Variants in POLR1E observed in about 807,000 individuals in gnomAD.
POLR1E encodes the protein RNA polymerase I subunit E, also known as DNA-directed RNA polymerase I subunit RPA49.
POLR1E carries 37 observed loss-of-function variants against 50.9 expected under a neutral mutation model. The observed-to-expected ratio is 0.73, with a 90% CI of 0.56 to 0.96. The LOEUF is 0.96. POLR1E is among the 40% of genes least tolerant of loss of function. The probability of loss-of-function intolerance (pLI) is 0.00; values close to 1 mark genes in which losing one functional copy is unlikely to be tolerated. For missense variants in POLR1E, 426 were observed against 518.1 expected (o/e 0.82, Z 1.73); for synonymous variants, 166 against 191.6 (o/e 0.87, Z 1.10).
intron 7 of POLR1E, among the ~76,000 whole-genome samples, chr9:37,495,582 A>G (rs552248179): frequency 3.5e-4 from 54 of 152,356 alleles, no homozygotes; most frequent in African/African-American, 1.2e-3. Context: ...CCCAAAGTCT[A>G]GGGCAGACCA....
chr9:37,495,300 C>T, intron 7 of POLR1E, 24 bp downstream of exon 7: 1 of 1,574,786 alleles, frequency 6.4e-7, no homozygotes, highest in Non-Finnish European at 8.7e-7. Context: ...AGTAGAAAAG[C>T]TGCCTTATTT....
chr9:37,492,172 A>C, intron 4 of POLR1E: 125 of 979,930 alleles, frequency 1.3e-4, no homozygotes, highest in Non-Finnish European at 1.5e-4. Context: ...AGGCCACTCC[A>C]GAGCTTGTAC....
In POLR1E at chr9:37,503,081, C is replaced by G. The variant is rs1564326984; in HGVS notation, c.1139C>G (p.Ser380Cys). ...GCCAAAGCCATGAGGCTGAAGATCT[C>G]CAAAAGAAGGGTGTCTGTGGCCGCC... is the stretch of plus-strand genomic sequence containing the variant. ...EIAKAMRLKI[S>C]KRRVSVAAGS... Residue 380 changes from serine to cysteine, a missense_variant, in exon 12 of 12, where the codon TCC becomes TGC. By Grantham distance (112) the Ser-to-Cys change is moderately radical. Transcript: ENST00000377798. 1.9e-6 allele frequency: 3 copies of G among 1,613,864 alleles called. No homozygotes were observed. Among genetic ancestry groups the G allele is most frequent in the Non-Finnish European group, 2.5e-6 (3 of 1,179,930 alleles).
chr9:37,495,052 A>C, intron 6 of POLR1E, 117 bp from the exon 7 acceptor site: 1 of 832,474 alleles, frequency 1.2e-6, no homozygotes, highest in South Asian at 1.5e-5. Context: ...ACTTTGGCAG[A>C]AGCATTTAGA....
At chr9:37,496,276 C>T (rs1316445906) in intron 8 of POLR1E, among the ~76,000 whole-genome samples, 2 of 152,132 alleles carry the variant, frequency 1.3e-5, no homozygotes, top group African/African-American at 4.8e-5. Context: ...CAGTGTCATG[C>T]TGGTGCTGAT....
intron 8 of POLR1E, among the ~76,000 whole-genome samples, chr9:37,496,828 A>G (rs1008046117): frequency 2.6e-5 from 4 of 152,144 alleles, no homozygotes; most frequent in African/African-American, 9.7e-5. Flanking sequence ...TGAGGCATCT[A>G]TGAGATGATC....
intron 1 of POLR1E, 33 bp from the exon 2 acceptor site, chr9:37,486,670 C>T (rs575175791): frequency 9.3e-6 from 15 of 1,614,124 alleles, no homozygotes; most frequent in Non-Finnish European, 1.2e-5. Flanking sequence ...TGGCCTTCTG[C>T]TCTCATCTCA....
At position 37,495,957 on chromosome 9, in the gene POLR1E, A is replaced by G; in HGVS notation, c.723A>G (p.Glu241=). The G allele has an allele frequency of 6.2e-7, 1 of 1,614,034 alleles. No individual in the cohort carries two copies. Among genetic ancestry groups the G allele is most frequent in the Non-Finnish European group, 8.5e-7 (1 of 1,179,856 alleles). ...PSEAFRNVTS[E]EILKMIEENS... is the part of the protein sequence containing the mutation. The stretch of plus-strand genomic sequence containing the variant: ...AAGCTTTCAGGAACGTCACGTCAGA[A>G]GAAATACTGAAGATGATTGAGGAGA... Residue 241 remains glutamate (E), a synonymous_variant, in exon 8 of 12, where the codon GAA becomes GAG. Transcript: ENST00000377798.
chr9:37,487,730 C>G, intron 2 of POLR1E, 133 bp from the exon 3 acceptor site: 1 of 832,536 alleles, frequency 1.2e-6, no homozygotes, highest in Admixed American at 2.1e-5. Context: ...GCTGGATCAT[C>G]TGCCAGAGAT....
rs375162903 is a variant in POLR1E at position 37,503,470 on chromosome 9, C to T, written c.*268C>T. 4.0e-5 allele frequency: 11 copies of T among 272,722 alleles called. No individual in the cohort carries two copies. Among genetic ancestry groups the T allele is most frequent in the African/African-American group, 2.0e-4 (9 of 45,788 alleles). 16.9% of individuals were successfully genotyped at this position (272,722 alleles called of 1,614,324 possible). ...GTGTGCGCCTGTAATCCCAGCTACT[C>T]GGGAGGCTGAGGCAGGACGATTACT... On this transcript the variant is annotated 3_prime_UTR_variant, in exon 12 of 12. Coordinates refer to ENST00000377798, the MANE Select transcript of POLR1E (RefSeq NM_022490.4).
chr9:37,486,801 A>T lies in POLR1E; in HGVS notation c.175A>T (p.Ile59Phe). Reference sequence around the variant, plus strand: ...CAACCCCAGGAAGAGGAATCAACGGATCCTGGTAAGTGAAGCAGTTGCCAG... The same window carrying T: ...CAACCCCAGGAAGAGGAATCAACGGTTCCTGGTAAGTGAAGCAGTTGCCAG... ...STNPRKRNQR[I>F]LAAETDRLSY... Residue 59 changes from isoleucine to phenylalanine, a missense_variant, in exon 2 of 12, where the codon ATC (isoleucine) becomes TTC (phenylalanine). Ile to Phe is a conservative substitution (Grantham distance 21). Transcript: ENST00000377798. 6.2e-7 allele frequency: 1 copy of T among 1,609,224 alleles called. No homozygotes were observed. The highest frequency in any genetic ancestry group is 8.5e-7 in the Non-Finnish European group (1 of 1,178,438).
At chr9:37,501,038 C>A in intron 10 of POLR1E, 117 bp downstream of exon 10, 2 of 1,009,892 alleles carry the variant, frequency 2.0e-6, no homozygotes, top group Non-Finnish European at 2.9e-6. Context: ...GCTGAAAAGA[C>A]TGCTGCCATT....
At chr9:37,489,490 T>C in intron 4 of POLR1E, 90 bp downstream of exon 4, 1 of 834,588 alleles carries the variant, frequency 1.2e-6, no homozygotes. Flanking sequence ...ATAAAACACA[T>C]TTTATAGTTA....
chr9:37,492,581 G>T, intron 4 of POLR1E, 76 bp from the exon 5 acceptor site: 1 of 1,329,218 alleles, frequency 7.5e-7, no homozygotes, highest in East Asian at 2.4e-5. Context: ...ATAGACAAAT[G>T]AATATTAAAC....
chr9:37,501,111 T>G (rs915514909), intron 10 of POLR1E, among the ~76,000 whole-genome samples, 190 bp downstream of exon 10: 1 of 152,218 alleles, frequency 6.6e-6, no homozygotes, highest in Non-Finnish European at 1.5e-5. Flanking sequence ...TCTGCCCTTC[T>G]TAGAAAAGTA....
At position 37,496,190 on chromosome 9, in the gene POLR1E, G is replaced by A. The variant is rs566916867; in HGVS notation, c.752+204G>A. Reference sequence around the variant, plus strand: ...AGGGAGAGGGCTGGTCTCTGAGTCCGTGGGACCTGCGACAGGGCAGAGGGT... The same window carrying A: ...AGGGAGAGGGCTGGTCTCTGAGTCCATGGGACCTGCGACAGGGCAGAGGGT... On this transcript the variant is annotated intron_variant, in intron 8 of 11. Coordinates refer to ENST00000377798, the MANE Select transcript of POLR1E (RefSeq NM_022490.4). Among the ~76,000 whole-genome samples the A allele has an allele frequency of 1.2e-4, 18 of 152,258 alleles. No homozygotes were observed. The East Asian group carries it at 1.5e-3, about 13-fold the overall frequency.
At chr9:37,497,772 T>G (rs943609650) in intron 8 of POLR1E, among the ~76,000 whole-genome samples, 2 of 152,198 alleles carry the variant, frequency 1.3e-5, no homozygotes, top group African/African-American at 4.8e-5. Flanking sequence ...CGTTTGTTTT[T>G]TTTTGTTTCT....
At chr9:37,496,614 T>TTTC (rs1820789917) in intron 8 of POLR1E, among the ~76,000 whole-genome samples, 1 of 85,710 alleles carries the variant, frequency 1.2e-5, no homozygotes, top group African/African-American at 4.8e-5. Context: ...GGAATTATTA[T>TTTC]TATTATTTCT....
intron 10 of POLR1E, 131 bp from the exon 11 acceptor site, chr9:37,501,582 C>A: frequency 8.7e-7 from 1 of 1,143,232 alleles, no homozygotes; most frequent in Non-Finnish European, 1.2e-6. Flanking sequence ...CACCCACATT[C>A]CTTTTCCTTT....
Sources: gnomAD v4.1 joint callset for allele counts (sites outside exome capture counted in the v4.1 genomes callset) on GRCh38, gnomAD v4.1.1 for gene constraint, MANE v1.5 for transcripts, NCBI Gene and HGNC (gene_info 2026-07-23, HGNC 2026-07-21) for gene names.